Variants in NOL10 observed in about 807,000 individuals in gnomAD.
NOL10 encodes nucleolar protein 10, also known as H_NH0074G24.1.
In NOL10, 58 loss-of-function variants were observed where a neutral mutation model predicts 103.5. The observed-to-expected ratio is 0.56, with a 90% CI of 0.45 to 0.70. The LOEUF is 0.70. NOL10 is among the 30% of genes least tolerant of loss of function. The probability of loss-of-function intolerance (pLI) is 0.00; values close to 1 mark genes in which losing one functional copy is unlikely to be tolerated. For synonymous variants in NOL10, 287 were observed against 282.5 expected (o/e 1.02, Z -0.16); for missense variants, 763 against 807.3 (o/e 0.95, Z 0.67).
intron 6 of NOL10, among the ~76,000 whole-genome samples, chr2:10,669,494 A>ACAT (rs1377397198): frequency 9.2e-6 from 1 of 108,840 alleles, no homozygotes; most frequent in Non-Finnish European, 1.8e-5. Flanking sequence ...ACACACACAC[A>ACAT]CATACACACA....
At chr2:10,593,286 C>T (rs368505627) in intron 17 of NOL10, among the ~76,000 whole-genome samples, 4 of 151,962 alleles carry the variant, frequency 2.6e-5, no homozygotes, top group Admixed American at 1.3e-4. Flanking sequence ...ATTACAGGCA[C>T]GCGCCACCAC....
intron 13 of NOL10, among the ~76,000 whole-genome samples, chr2:10,627,098 G>A (rs918768902): frequency 3.9e-5 from 6 of 152,184 alleles, no homozygotes; most frequent in African/African-American, 1.4e-4. Context: ...AAAATAGGAA[G>A]TCCACATTTC....
Position 10,607,302 on chromosome 2 carries a change from G to T in NOL10, c.1036C>A (p.Pro346Thr). ...MGIYYIPVLGPAPRWCSFLDN... is the reference protein window; with the variant it reads ...MGIYYIPVLGTAPRWCSFLDN... The stretch of plus-strand genomic sequence containing the variant: ...AAGAAGGAACACCACCGAGGAGCAG[G>T]ACCCAAAACCTGTTGGTGTTTATGA... The change falls in exon 14 of 21, where the codon CCT becomes ACT. Residue 346 changes from proline to threonine, a missense_variant. Coordinates refer to ENST00000381685, the MANE Select transcript of NOL10 (RefSeq NM_024894.4). 1 of 1,601,682 alleles carries T rather than the reference G, an allele frequency of 6.2e-7. No homozygotes were observed. The highest frequency in any genetic ancestry group is 1.1e-5 in the South Asian group (1 of 88,604).
chr2:10,634,693 C>T (rs1243980371), intron 13 of NOL10: 1 of 435,554 alleles, frequency 2.3e-6, no homozygotes, highest in East Asian at 7.0e-5. Flanking sequence ...CTAGCGCTCA[C>T]TAACATTCAG....
At chr2:10,637,558 G>A (rs1369689397) in intron 13 of NOL10, among the ~76,000 whole-genome samples, 4 of 152,180 alleles carry the variant, frequency 2.6e-5, no homozygotes, top group Non-Finnish European at 5.9e-5. Flanking sequence ...TCACCTCTGC[G>A]GGGAGTGTGC....
chr2:10,595,143 G>GAAGAGAGAGAGAGAGAGAGAGA, intron 17 of NOL10, among the ~76,000 whole-genome samples: 1 of 116,778 alleles, frequency 8.6e-6, no homozygotes, highest in Non-Finnish European at 1.8e-5. Context: ...GGGGGAGGGG[G>GAAGAGAGAGAGAGAGAGAGAGA]CAGAGAGAGA....
At chr2:10,591,480 G>C (rs1675387879) in intron 17 of NOL10, among the ~76,000 whole-genome samples, 1 of 152,150 alleles carries the variant, frequency 6.6e-6, no homozygotes, top group Non-Finnish European at 1.5e-5. Context: ...TGAATAGTCT[G>C]GCGACATAAG....
At chr2:10,600,008 T>TAA (rs561886210) in intron 17 of NOL10, among the ~76,000 whole-genome samples, 3 of 145,122 alleles carry the variant, frequency 2.1e-5, no homozygotes, top group African/African-American at 5.1e-5. Context: ...AGAATAAGCT[T>TAA]AAAAAAAAAA....
chr2:10,662,454 A>T (rs1375671046), intron 9 of NOL10, among the ~76,000 whole-genome samples: 3 of 152,146 alleles, frequency 2.0e-5, no homozygotes, highest in South Asian at 2.1e-4. Flanking sequence ...AACCTTCAAA[A>T]CATGTATGCT....
At chr2:10,616,144 G>C (rs1676820554) in intron 13 of NOL10, among the ~76,000 whole-genome samples, 2 of 150,676 alleles carry the variant, frequency 1.3e-5, no homozygotes, top group Admixed American at 1.3e-4. Flanking sequence ...CAGACTTTAA[G>C]ATATTGATAT....
intron 14 of NOL10, chr2:10,604,741 C>T (rs1427209205): frequency 6.6e-6 from 1 of 152,144 alleles, no homozygotes; most frequent in Admixed American, 6.5e-5. Flanking sequence ...CTTTTCATAG[C>T]GAAACAGTCC....
At chr2:10,648,535 C>G (rs1679240674) in intron 12 of NOL10, among the ~76,000 whole-genome samples, 1 of 152,136 alleles carries the variant, frequency 6.6e-6, no homozygotes, top group African/African-American at 2.4e-5. Context: ...TTCCTTTGTC[C>G]AAAACATCAT....
At chr2:10,644,185 T>G in intron 13 of NOL10, 135 bp downstream of exon 13, 1 of 557,018 alleles carries the variant, frequency 1.8e-6, no homozygotes, top group Non-Finnish European at 3.1e-6. Context: ...GAGGCAGAGG[T>G]TGCAGTGGGC....
intron 17 of NOL10, among the ~76,000 whole-genome samples, chr2:10,597,390 A>G (rs2148178318): frequency 6.6e-6 from 1 of 152,330 alleles, no homozygotes; most frequent in South Asian, 2.1e-4. Context: ...CCTACTTTCA[A>G]ATCAGGAGGT....
At chr2:10,649,067 T>C (rs2148292439) in intron 12 of NOL10, among the ~76,000 whole-genome samples, 1 of 152,304 alleles carries the variant, frequency 6.6e-6, no homozygotes, top group East Asian at 1.9e-4. Flanking sequence ...GCTGCCATTT[T>C]TATTAGGCAC....
intron 2 of NOL10, among the ~76,000 whole-genome samples, chr2:10,684,305 G>A (rs575861138): frequency 1.3e-5 from 2 of 150,600 alleles, no homozygotes; most frequent in South Asian, 4.2e-4. Flanking sequence ...GAAGAGCTGC[G>A]TACAGTGGCT....
At chr2:10,663,240 G>A (rs577494464) in intron 8 of NOL10, among the ~76,000 whole-genome samples, 196 bp from the exon 9 acceptor site, 5 of 152,062 alleles carry the variant, frequency 3.3e-5, no homozygotes, top group South Asian at 2.1e-4. Flanking sequence ...TGTGGTGCAC[G>A]CCTGTAATCC....
intron 13 of NOL10, among the ~76,000 whole-genome samples, chr2:10,631,084 A>G (rs549427343): frequency 6.6e-6 from 1 of 152,330 alleles, no homozygotes; most frequent in Admixed American, 6.5e-5. Flanking sequence ...TGCACTTTAG[A>G]TGAAAGTGTG....
intron 13 of NOL10, among the ~76,000 whole-genome samples, chr2:10,626,722 T>C (rs1317748458): frequency 2.6e-5 from 4 of 151,912 alleles, no homozygotes; most frequent in Non-Finnish European, 4.4e-5. Flanking sequence ...ACAAGGCCTT[T>C]GGTCAACATT....
Sources: gnomAD v4.1 joint callset for allele counts (sites outside exome capture counted in the v4.1 genomes callset) on GRCh38, gnomAD v4.1.1 for gene constraint, MANE v1.5 for transcripts, NCBI Gene and HGNC (gene_info 2026-07-23, HGNC 2026-07-21) for gene names.